Variants in PTCHD4 observed in about 807,000 individuals in gnomAD.
The protein encoded by PTCHD4 is patched domain-containing protein 4.
In PTCHD4, 33 loss-of-function variants were observed where a neutral mutation model predicts 58.1. The observed-to-expected ratio is 0.57, with a 90% CI of 0.43 to 0.76. The LOEUF (loss-of-function observed/expected upper bound fraction) is 0.76, where lower values mean the gene tolerates loss of function less well. PTCHD4 is among the 30% of genes least tolerant of loss of function. The pLI is 0.00. For missense variants in PTCHD4, 1,058 were observed against 1,027.1 expected, an observed-to-expected ratio of 1.03 and a Z score of -0.41; for synonymous variants, 478 against 409.6, an observed-to-expected ratio of 1.17 and a Z score of -2.02.
At chr6:47,932,798 C>T (rs1044784569) in intron 4 of PTCHD4, among the ~76,000 whole-genome samples, 5 of 152,222 alleles carry the variant, frequency 3.3e-5, no homozygotes, top group Admixed American at 2.0e-4. Context: ...CTTGCCACTT[C>T]CTGGCTATGT....
chr6:48,068,716 C>A lies in PTCHD4; in HGVS notation c.6-75G>T. 2 of 1,404,484 alleles carry A rather than the reference C, an allele frequency of 1.4e-6. No individual in the cohort carries two copies. Among genetic ancestry groups the A allele is most frequent in the Non-Finnish European group, 9.4e-7 (1 of 1,060,442 alleles). The allele number at this position is 1,404,484 out of a possible 1,614,324, so 87.0% of individuals were successfully genotyped here. ...CCCATCCCACCCCCTGGGGCCAGTC[C>A]CCCCTCCCCACCGCCGCCGCCTCCC... On this transcript the variant is annotated intron_variant, in intron 2 of 4. Coordinates refer to ENST00000339488, the MANE Select transcript of PTCHD4 (RefSeq NM_001384253.1). This position sits in a 1 kb window ranked among gnomAD's most constrained non-coding sequence, Gnocchi z 4.2.
chr6:48,058,356 G>C (rs1212632725), intron 3 of PTCHD4, among the ~76,000 whole-genome samples: 1 of 152,238 alleles, frequency 6.6e-6, no homozygotes, highest in African/African-American at 2.4e-5. Flanking sequence ...AACTACTGCT[G>C]TAGAATGATT....
intron 4 of PTCHD4, among the ~76,000 whole-genome samples, chr6:47,979,138 A>G (rs1360861381): frequency 6.6e-6 from 1 of 152,142 alleles, no homozygotes; most frequent in Non-Finnish European, 1.5e-5. Context: ...CAATGGTGAC[A>G]TATAGTCTGA....
intron 4 of PTCHD4, among the ~76,000 whole-genome samples, chr6:47,968,001 T>C (rs370015880): frequency 6.6e-6 from 1 of 152,212 alleles, no homozygotes; most frequent in Non-Finnish European, 1.5e-5. Context: ...ACTTTTCCTT[T>C]GCATTTACAA....
chr6:47,980,438 T>C (rs1010082788), intron 4 of PTCHD4, among the ~76,000 whole-genome samples: 1 of 152,118 alleles, frequency 6.6e-6, no homozygotes, highest in South Asian at 2.1e-4. Flanking sequence ...TGGTTCTCTG[T>C]AGCTGTCTTC....
intron 4 of PTCHD4, among the ~76,000 whole-genome samples, chr6:47,947,219 A>C (rs1051031272): frequency 1.3e-5 from 2 of 152,064 alleles, no homozygotes; most frequent in Non-Finnish European, 2.9e-5. Flanking sequence ...CAATATTTTC[A>C]CCTTTCCCCC....
chr6:48,083,739 G>C (rs1026334480), intron 1 of PTCHD4, among the ~76,000 whole-genome samples: 6 of 152,186 alleles, frequency 3.9e-5, no homozygotes, highest in Non-Finnish European at 7.3e-5. Context: ...TGTGTCTGGA[G>C]TATCTAAGAG....
chr6:48,065,887 T>A (rs1764778623), intron 3 of PTCHD4, among the ~76,000 whole-genome samples: 1 of 152,368 alleles, frequency 6.6e-6, no homozygotes, highest in Admixed American at 6.5e-5. Flanking sequence ...CTGTTCTTTT[T>A]ATGCTATTAT....
chr6:47,897,527 G>T (rs1764561596), intron 4 of PTCHD4, among the ~76,000 whole-genome samples: 1 of 152,166 alleles, frequency 6.6e-6, no homozygotes, highest in Admixed American at 6.5e-5. Context: ...CATGTACTTG[G>T]CTGCTAAGTA....
chr6:48,042,498 A>G (rs1446908613), intron 3 of PTCHD4, among the ~76,000 whole-genome samples: 4 of 151,952 alleles, frequency 2.6e-5, no homozygotes, highest in Admixed American at 1.3e-4. Flanking sequence ...GCTTCAATTT[A>G]TGTCTGGTGA....
chr6:47,892,471 G>T (rs532469418), intron 4 of PTCHD4, among the ~76,000 whole-genome samples: 1 of 152,176 alleles, frequency 6.6e-6, no homozygotes, highest in African/African-American at 2.4e-5. Flanking sequence ...ACTTCTTTTT[G>T]TCCCATTTGA....
intron 4 of PTCHD4, among the ~76,000 whole-genome samples, chr6:47,939,620 T>C (rs568111719): frequency 6.6e-6 from 1 of 152,154 alleles, no homozygotes; most frequent in Non-Finnish European, 1.5e-5. Flanking sequence ...CTATCCTTTG[T>C]GTGCAACGTG....
intron 4 of PTCHD4, among the ~76,000 whole-genome samples, chr6:47,916,070 G>A (rs948245980): frequency 1.3e-5 from 2 of 152,110 alleles, no homozygotes; most frequent in African/African-American, 2.4e-5. Context: ...AGCAAAGACC[G>A]GTGACTGCTT....
chr6:47,995,513 T>C (rs1325707), intron 4 of PTCHD4, among the ~76,000 whole-genome samples: 20,815 of 152,250 alleles, frequency 0.14, 1,610 homozygotes, highest in South Asian at 0.21. Context: ...ACAGAGATTC[T>C]CACTCACTTA....
In PTCHD4 at chr6:47,879,715, A is replaced by T. The variant is rs753736207; in HGVS notation, c.1120T>A (p.Leu374Met). Reference sequence around the variant, plus strand: ...AAGGAGAAAATGTAGAAGTAGTTCAACAGAATAGAGACACACATGTTTTGA... The same window carrying T: ...AAGGAGAAAATGTAGAAGTAGTTCATCAGAATAGAGACACACATGTTTTGA... ...FCQNMCVSIL[L>M]NYFYIFSFFG... is the part of the protein sequence containing the mutation. Residue 374 changes from leucine (L) to methionine (M), a missense_variant, in exon 5 of 5, where the codon TTG (leucine) becomes ATG (methionine). Coordinates refer to ENST00000339488, the MANE Select transcript of PTCHD4 (RefSeq NM_001384253.1). 3 of 1,613,672 alleles carry T rather than the reference A, an allele frequency of 1.9e-6. No homozygotes were observed. In the South Asian group the frequency reaches 3.3e-5, roughly 18 times the overall value.
chr6:48,054,453 G>A lies in PTCHD4; in HGVS notation c.417+13777C>T, dbSNP rs116135388. On this transcript the variant is annotated intron_variant, in intron 3 of 4. Transcript: ENST00000339488. ...TACATGAAAGTTTAAACTTATGGAA[G>A]CATAAATTTCATAAGTTTAAACTTA... Among the ~76,000 whole-genome samples, 889 of 152,092 alleles carry A rather than the reference G, an allele frequency of 5.8e-3. 2 individuals are homozygous for A. The highest frequency in any genetic ancestry group is 7.7e-3 in the Non-Finnish European group (525 of 67,972).
At chr6:47,901,907 C>T in intron 4 of PTCHD4, 1 of 1,303,716 alleles carries the variant, frequency 7.7e-7, no homozygotes, top group Non-Finnish European at 1.0e-6. Flanking sequence ...AAATTTGTTT[C>T]TAGCTTGAGG....
intron 1 of PTCHD4, among the ~76,000 whole-genome samples, chr6:48,078,905 T>C (rs1448477736): frequency 2.0e-5 from 3 of 151,892 alleles, no homozygotes; most frequent in African/African-American, 7.3e-5. Context: ...GATCACGAGG[T>C]TAGGATATCG....
In PTCHD4 at chr6:47,860,874, T is replaced by C. The variant is rs1208209021; in HGVS notation, c.*17429A>G. Among the ~76,000 whole-genome samples the C allele has an allele frequency of 1.3e-5, 2 of 152,066 alleles. No individual in the cohort carries two copies. Among genetic ancestry groups the C allele is most frequent in the South Asian group, 2.1e-4 (1 of 4,832 alleles). On this transcript the variant is annotated 3_prime_UTR_variant, in exon 5 of 5. Transcript: ENST00000339488. ...ATTATTTATCCTGAGATAAACTCTT[T>C]ATGATTTTTAGACTTGAAATAATTT...
Sources: allele counts gnomAD v4.1 joint callset (sites outside exome capture counted in the v4.1 genomes callset), GRCh38; gene constraint gnomAD v4.1.1; non-coding constraint Gnocchi (gnomAD v3.1); transcripts MANE v1.5; gene names NCBI Gene and HGNC (gene_info 2026-07-23, HGNC 2026-07-21).